Variants in NPR1 observed in about 807,000 individuals in gnomAD.
The protein encoded by NPR1 is atrial natriuretic peptide receptor 1.
NPR1 carries 57 observed loss-of-function variants against 116.9 expected under a neutral mutation model. The ratio of observed to expected loss-of-function variants is 0.49; its 90% confidence interval spans 0.39 to 0.61. The LOEUF (loss-of-function observed/expected upper bound fraction) is 0.61, where lower values mean the gene tolerates loss of function less well. NPR1 is among the 20% of genes least tolerant of loss of function. The pLI is 0.00. For synonymous variants in NPR1, 555 were observed against 601.6 expected (o/e 0.92, Z 1.13); for missense variants, 1,096 against 1,409.8 (o/e 0.78, Z 3.56).
In NPR1 at chr1:153,685,014, G is replaced by C; in HGVS notation, c.1535G>C (p.Trp512Ser). ...ELASELWRVR[W>S]EDVEPSSLER... The stretch of plus-strand genomic sequence containing the variant: ...GCCTCGGAGCTGTGGCGGGTGCGCT[G>C]GGAGGACGTTGAGCCCAGTAGCCTT... Residue 512 changes from tryptophan (W) to serine (S), a missense_variant, in exon 8 of 22, where the codon TGG becomes TCG. Transcript: ENST00000368680. The C allele has an allele frequency of 6.2e-7, 1 of 1,614,060 alleles. No individual in the cohort carries two copies. Among genetic ancestry groups the C allele is most frequent in the African/African-American group, 1.3e-5 (1 of 75,050 alleles).
At chr1:153,685,660 T>C (rs1669905576) in intron 8 of NPR1, 146 bp from the exon 9 acceptor site, 1 of 661,920 alleles carries the variant, frequency 1.5e-6, no homozygotes, top group Non-Finnish European at 2.7e-6. Flanking sequence ...TGATACTACA[T>C]CTCAAAAAAA....
intron 15 of NPR1, chr1:153,688,668 G>A: frequency 2.0e-6 from 1 of 494,728 alleles, no homozygotes; most frequent in Non-Finnish European, 3.6e-6. Flanking sequence ...ATTGACCCTT[G>A]TCATTCTCCA....
intron 2 of NPR1, chr1:153,680,949 T>A: frequency 3.3e-6 from 2 of 597,086 alleles, no homozygotes; most frequent in South Asian, 4.2e-5. Flanking sequence ...AAAATGGGCT[T>A]GAGGCGGGAG....
rs368316665 is a variant in NPR1, at chr1:153,687,177, C to A, written c.1936-23C>A. ...GTGTAGGTCCCACTCCTGGCCAATA[C>A]CTCTGCCCACTCACATTTCCAGGGC... On this transcript the variant is annotated intron_variant, in intron 12 of 21. Coordinates refer to ENST00000368680, the MANE Select transcript of NPR1 (RefSeq NM_000906.4). 3.9e-5 allele frequency: 63 copies of A among 1,613,830 alleles called. No homozygotes were observed. In the South Asian group the frequency reaches 6.9e-4, roughly 18 times the overall value.
At position 153,681,827 on chromosome 1, in the gene NPR1, C is replaced by A; in HGVS notation, c.1159C>A (p.Arg387=). The change falls in exon 4 of 22, where the codon CGA becomes AGA. Residue 387 remains arginine, a synonymous_variant. Transcript: ENST00000368680. ...GAACATCACTCAGCGGATGTGGAAC[C>A]GAAGCTTTCAAGGTCAGGGCCTGGA... ...GENITQRMWN[R]SFQGVTGYLK... The A allele has an allele frequency of 1.9e-6, 3 of 1,613,866 alleles. No individual in the cohort carries two copies. Among genetic ancestry groups the A allele is most frequent in the Admixed American group, 3.3e-5 (2 of 60,010 alleles).
chr1:153,688,832 A>G lies in NPR1; in HGVS notation c.2418-121A>G, dbSNP rs73011731. The stretch of plus-strand genomic sequence containing the variant: ...CTCCCCGGTATCCTGCTATGCCCTC[A>G]ACCCTGAGCGTCTCTAGAGACCTCA... On this transcript the variant is annotated intron_variant, in intron 15 of 21. Coordinates refer to ENST00000368680, the MANE Select transcript of NPR1 (RefSeq NM_000906.4). The G allele has an allele frequency of 5.7e-4, 707 of 1,238,856 alleles. 3 individuals are homozygous for G. In the African/African-American group the frequency reaches 9.7e-3, roughly 17 times the overall value. The allele number at this position is 1,238,856 out of a possible 1,614,324, so 76.7% of individuals were successfully genotyped here.
intron 2 of NPR1, 106 bp downstream of exon 2, chr1:153,680,806 C>A: frequency 1.1e-6 from 1 of 941,958 alleles, no homozygotes; most frequent in Non-Finnish European, 1.5e-6. Context: ...AGGTTTTTGT[C>A]TGTTTGTTTC....
intron 4 of NPR1, among the ~76,000 whole-genome samples, chr1:153,682,141 G>A (rs139195882): frequency 0.019 from 2,810 of 151,422 alleles, 87 homozygotes; most frequent in African/African-American, 0.065. Flanking sequence ...TTCAACCTCC[G>A]CCTCCCAGGT....
chr1:153,687,777 C>A lies in NPR1; in HGVS notation c.2236C>A (p.Leu746Met). 6.3e-7 allele frequency: 1 copy of A among 1,589,962 alleles called. No individual in the cohort carries two copies. The highest frequency in any genetic ancestry group is 8.6e-7 in the Non-Finnish European group (1 of 1,162,498). The change falls in exon 14 of 22, where the codon CTG becomes ATG. Residue 746 changes from leucine to methionine, a missense_variant. Physicochemically the swap from Leu to Met is conservative, Grantham distance 15 (BLOSUM62 2). Transcript: ENST00000368680. Reference sequence around the variant, plus strand: ...GGTCTTCCACGTGGAAGGTTTGGACCTGAGCCCCAAAGGTGAGAGGAGCAC... The same window carrying A: ...GGTCTTCCACGTGGAAGGTTTGGACATGAGCCCCAAAGGTGAGAGGAGCAC... ...SGVFHVEGLD[L>M]SPKEIIERVT... is the part of the protein sequence containing the mutation.
In NPR1 at chr1:153,691,907, G is replaced by GAAAGA. The variant is rs762174013; in HGVS notation, c.3032-1186_3032-1182dup. 1.0e-3 allele frequency among the ~76,000 whole-genome samples: 152 copies of GAAAGA among 151,542 alleles called. 1 individual carries two copies. Among genetic ancestry groups the GAAAGA allele is most frequent in the Middle Eastern group, 6.8e-3 (2 of 294 alleles). On this transcript the variant is annotated intron_variant, in intron 20 of 21. Transcript: ENST00000368680. ...GTCTCAAAAAAAAAAAAGAGAGAAA[G>GAAAGA]AAAGAAAAGAAAAGAAAGAAACTGT...
chr1:153,692,508 AT>A (rs35874998), intron 20 of NPR1, among the ~76,000 whole-genome samples: 69,470 of 136,760 alleles, frequency 0.51, 16,549 homozygotes, highest in East Asian at 0.68. Context: ...TGAGGCCCTG[AT>A]TTTTTTTTTT....
intron 10 of NPR1, 63 bp from the exon 11 acceptor site, chr1:153,686,583 T>C (rs1394104199): frequency 1.5e-6 from 2 of 1,332,064 alleles, no homozygotes; most frequent in East Asian, 4.6e-5. Flanking sequence ...TCCCTGAAGC[T>C]AGTGAGCAGC....
chr1:153,685,995 G>A, intron 9 of NPR1, 115 bp downstream of exon 9: 1 of 1,369,842 alleles, frequency 7.3e-7, no homozygotes, highest in South Asian at 1.2e-5. Flanking sequence ...AGCAGATGGG[G>A]GCCCTGGGGG....
intron 15 of NPR1, 80 bp from the exon 16 acceptor site, chr1:153,688,873 G>A: frequency 6.4e-7 from 1 of 1,567,252 alleles, no homozygotes; most frequent in East Asian, 2.3e-5. Flanking sequence ...GTCTGGAGGG[G>A]GAAGTGCCTA....
In NPR1 at chr1:153,687,687, G is replaced by T; in HGVS notation, c.2146G>T (p.Gly716Cys). 6.2e-7 allele frequency: 1 copy of T among 1,606,264 alleles called. No homozygotes were observed. Among genetic ancestry groups the T allele is most frequent in the Non-Finnish European group, 8.5e-7 (1 of 1,173,724 alleles). The change falls in exon 14 of 22, where the codon GGC becomes TGC. Residue 716 changes from glycine to cysteine, a missense_variant. Gly to Cys is a radical substitution (Grantham distance 159). Transcript: ENST00000368680. ...LLRMASPPVR[G>C]SQAGDVYSFG... ...GCGAATGGCTTCACCCCCTGTGCGG[G>T]GCTCCCAGGCTGGTGACGTATACAG...
At chr1:153,685,559 G>T (rs757996042) in intron 8 of NPR1, among the ~76,000 whole-genome samples, 1 of 152,098 alleles carries the variant, frequency 6.6e-6, no homozygotes, top group South Asian at 2.1e-4. Context: ...AGCTACTCTG[G>T]AGGCTGAGGT....
Position 153,684,637 on chromosome 1 carries a change from A to G in NPR1, c.1485-327A>G, listed in dbSNP as rs550013946. ...GATCTCTTGACCTCATGATCCACCC[A>G]CCTTGGCCTCCCAAAGTGCTGGGAT... On this transcript the variant is annotated intron_variant, in intron 7 of 21. Transcript: ENST00000368680. 3.3e-5 allele frequency among the ~76,000 whole-genome samples: 5 copies of G among 151,694 alleles called. No individual in the cohort carries two copies. In the South Asian group the frequency reaches 8.3e-4, roughly 25 times the overall value.
chr1:153,685,814 C>T lies in NPR1; in HGVS notation c.1614C>T (p.Ser538=), dbSNP rs146778825. Residue 538 remains serine, a synonymous_variant, in exon 9 of 22, where the codon TCC becomes TCT. Coordinates refer to ENST00000368680, the MANE Select transcript of NPR1 (RefSeq NM_000906.4). The part of the protein sequence containing the change: ...GSRLTLSGRG[S]NYGSLLTTEG... ...GCTCTCCCTCCTTTCAGAGAGGCTC[C>T]AATTACGGCTCCCTGCTAACCACAG... The T allele has an allele frequency of 5.2e-4, 840 of 1,614,072 alleles. 5 individuals carry two copies. In the African/African-American group the frequency reaches 0.01, roughly 19 times the overall value.
chr1:153,683,597 T>C, intron 6 of NPR1, 86 bp downstream of exon 6: 4 of 1,578,330 alleles, frequency 2.5e-6, no homozygotes, highest in Non-Finnish European at 2.6e-6. Flanking sequence ...TCCTGTCCCA[T>C]GCTGAGGGCT....
Sources: gnomAD v4.1 joint callset for allele counts (sites outside exome capture counted in the v4.1 genomes callset) on GRCh38, gnomAD v4.1.1 for gene constraint, MANE v1.5 for transcripts, NCBI Gene and HGNC (gene_info 2026-07-23, HGNC 2026-07-21) for gene names.